FN1: variants seen among roughly 807,000 people sequenced by gnomAD.
The protein encoded by FN1 is fibronectin 1.
FN1 carries 106 observed loss-of-function variants against 297.3 expected under a neutral mutation model. The ratio of observed to expected loss-of-function variants is 0.36; its 90% confidence interval spans 0.30 to 0.42. FN1 has a LOEUF of 0.42. Among genes scored for constraint, FN1 ranks in the 10% least tolerant of loss-of-function variants. The pLI is 1.00. For synonymous variants in FN1, 1,149 were observed against 1,152.6 expected (o/e 1.00, Z 0.06); for missense variants, 2,690 against 3,124.9 (o/e 0.86, Z 3.32).
Position 215,431,910 on chromosome 2 carries a change from G to T in FN1, c.470C>A (p.Pro157Gln). Reference protein sequence around the residue: ...SYKIGDTWRRPHETGGYMLEC... With the variant: ...SYKIGDTWRRQHETGGYMLEC... The stretch of plus-strand genomic sequence containing the variant: ...TAACATGTAACCACCAGTCTCATGT[G>T]GTCTCCTCCAGGTGTCACCAATCTT... Residue 157 changes from proline to glutamine, a missense_variant, in exon 4 of 46, where the codon CCA becomes CAA. Coordinates refer to ENST00000354785, the MANE Select transcript of FN1 (RefSeq NM_212482.4). 6.2e-7 allele frequency: 1 copy of T among 1,613,776 alleles called. No homozygotes were observed. The highest frequency in any genetic ancestry group is 8.5e-7 in the Non-Finnish European group (1 of 1,179,786).
At chr2:215,366,065 G>A (rs1488072478) in intron 42 of FN1, among the ~76,000 whole-genome samples, 12 of 145,326 alleles carry the variant, frequency 8.3e-5, no homozygotes, top group East Asian at 8.1e-4. Flanking sequence ...TGATCCACCC[G>A]CCTCAGCCTC....
In FN1 at chr2:215,393,029, G is replaced by T. The variant is rs777406895; in HGVS notation, c.3971C>A (p.Thr1324Lys). The change falls in exon 25 of 46, where the codon ACA (threonine) becomes AAA (lysine). Residue 1324 changes from threonine (T) to lysine (K), a missense_variant. Transcript: ENST00000354785. ...DFVDSSVGYY[T>K]VTGLEPGIDY... is the part of the protein sequence containing the mutation. ...AATGCCCGGCTCCAGCCCTGTGACT[G>T]TGTAGTATCCTACTGAGGAGTCCAC... is the stretch of plus-strand genomic sequence containing the variant. 1 of 1,613,936 alleles carries T rather than the reference G, an allele frequency of 6.2e-7. No individual in the cohort carries two copies. Among genetic ancestry groups the T allele is most frequent in the Admixed American group, 1.7e-5 (1 of 60,000 alleles).
At chr2:215,368,499 A>G (rs2055137626) in intron 41 of FN1, among the ~76,000 whole-genome samples, 1 of 152,240 alleles carries the variant, frequency 6.6e-6, no homozygotes, top group South Asian at 2.1e-4. Flanking sequence ...AAGATTATAT[A>G]AGGCCATGAA....
rs891254454 is a variant in FN1, at chr2:215,435,577, A to C, written c.148+78T>G. ...ACACTCGCACACACGCGCGCGCACA[A>C]AACTTCAGCCCCAACTTTGGTCGGC... On this transcript the variant is annotated intron_variant, in intron 1 of 45. Transcript: ENST00000354785. 4 of 1,594,986 alleles carry C rather than the reference A, an allele frequency of 2.5e-6. No individual in the cohort carries two copies. The Admixed American group carries it at 5.1e-5, about 20-fold the overall frequency.
chr2:215,414,816 G>C, intron 13 of FN1, 21 bp downstream of exon 13: 2 of 1,613,692 alleles, frequency 1.2e-6, no homozygotes, highest in South Asian at 2.2e-5. Context: ...AGTATCCAAG[G>C]TTTCTGGGTG....
At chr2:215,420,068 A>G (rs992227444) in intron 11 of FN1, among the ~76,000 whole-genome samples, 17 of 152,192 alleles carry the variant, frequency 1.1e-4, no homozygotes, top group African/African-American at 1.9e-4. Context: ...AAAAAAACCT[A>G]GAGTGTTTTG....
chr2:215,406,531 G>T, intron 18 of FN1, 21 bp from the exon 19 acceptor site: 1 of 1,612,116 alleles, frequency 6.2e-7, no homozygotes, highest in South Asian at 1.1e-5. Context: ...AGAGTCAACT[G>T]GTCATTCACA....
chr2:215,423,749 A>G (rs1180135520), intron 8 of FN1, among the ~76,000 whole-genome samples: 1 of 150,734 alleles, frequency 6.6e-6, no homozygotes, highest in African/African-American at 2.4e-5. Context: ...TTTCCCCAGC[A>G]CCCCCCCCAC....
At chr2:215,381,391 G>T (rs1357136960) in intron 32 of FN1, 2 of 414,010 alleles carry the variant, frequency 4.8e-6, no homozygotes, top group Non-Finnish European at 9.0e-6. Flanking sequence ...ACAATGTGAT[G>T]TTAGTCTCAT....
intron 20 of FN1, among the ~76,000 whole-genome samples, chr2:215,401,555 T>A (rs1386970321): frequency 2.6e-5 from 4 of 152,150 alleles, no homozygotes; most frequent in Non-Finnish European, 5.9e-5. Flanking sequence ...TCTTTACATC[T>A]CAATCAAATT....
At position 215,368,052 on chromosome 2, in the gene FN1, A is replaced by C. The variant is rs1205242638; in HGVS notation, c.6854-25T>G. On this transcript the variant is annotated intron_variant, in intron 41 of 45. Transcript: ENST00000354785. ...ACTATGAAGAAAAGGAAGAAAAAGC[A>C]AAAAGAGACATCTTATTAATCGATT... 2.5e-6 allele frequency: 4 copies of C among 1,612,582 alleles called. No individual in the cohort carries two copies. The African/African-American group carries it at 5.3e-5, about 22-fold the overall frequency.
At chr2:215,397,545 C>T in intron 22 of FN1, 135 bp downstream of exon 22, 5 of 761,262 alleles carry the variant, frequency 6.6e-6, no homozygotes, top group Non-Finnish European at 9.2e-6. Context: ...TCAGGAATAG[C>T]ATTAATAATA....
At position 215,379,329 on chromosome 2, in the gene FN1, G is replaced by A; in HGVS notation, c.5435-12C>T. The stretch of plus-strand genomic sequence containing the variant: ...TGGTGCAGGAATAGCTGTCGAGATT[G>A]TCATTGGTTAGAGGTTATCTTATAG... On this transcript the variant is annotated splice_polypyrimidine_tract_variant and intron_variant, in intron 33 of 45. Transcript: ENST00000354785. 6.2e-7 allele frequency: 1 copy of A among 1,612,948 alleles called. No individual in the cohort carries two copies.
intron 1 of FN1, among the ~76,000 whole-genome samples, chr2:215,435,446 C>T (rs1360070286): frequency 6.6e-6 from 1 of 152,166 alleles, no homozygotes; most frequent in East Asian, 1.9e-4. Flanking sequence ...TCGCAGAGTC[C>T]TCGTCCTCCA....
rs775863568 is a variant in FN1, at chr2:215,388,229, C to T, written c.4325G>A (p.Arg1442Lys). Residue 1442 changes from arginine to lysine, a missense_variant, in exon 27 of 46, where the codon AGA (arginine) becomes AAA (lysine). Coordinates refer to ENST00000354785, the MANE Select transcript of FN1 (RefSeq NM_212482.4). Reference protein sequence around the residue: ...VYEQHESTPLRGRQKTGLDSP... With the variant: ...VYEQHESTPLKGRQKTGLDSP... ...CCACTCACCTGTTTTCTGTCTTCCT[C>T]TAAGAGGTGTGCTCTCATGTTGTTC... is the stretch of plus-strand genomic sequence containing the variant. 1 of 1,613,582 alleles carries T rather than the reference C, an allele frequency of 6.2e-7. No homozygotes were observed. Among genetic ancestry groups the T allele is most frequent in the African/African-American group, 1.3e-5 (1 of 74,916 alleles).
At chr2:215,423,581 T>G in intron 8 of FN1, 55 bp from the exon 9 acceptor site, 1 of 1,537,592 alleles carries the variant, frequency 6.5e-7, no homozygotes, top group African/African-American at 1.4e-5. Context: ...AGCTTTCCAA[T>G]GTACACAGAA....
chr2:215,408,267 A>T, intron 16 of FN1, 31 bp downstream of exon 16: 4 of 1,614,086 alleles, frequency 2.5e-6, no homozygotes, highest in Middle Eastern at 3.3e-4. Context: ...ACAGAAAAAG[A>T]TTCTTTTAAC....
intron 1 of FN1, 37 bp from the exon 2 acceptor site, chr2:215,434,861 TC>T: frequency 6.2e-7 from 1 of 1,606,204 alleles, no homozygotes; most frequent in Non-Finnish European, 8.5e-7. Context: ...CATTTGCATT[TC>T]TCCTTTTCCC....
At chr2:215,361,749 G>C in intron 45 of FN1, 123 bp from the exon 46 acceptor site, 1 of 1,018,216 alleles carries the variant, frequency 9.8e-7, no homozygotes, top group African/African-American at 1.6e-5. Flanking sequence ...TTTCTTCCTA[G>C]TTTCAAGAAC....
Sources: allele counts gnomAD v4.1 joint callset (sites outside exome capture counted in the v4.1 genomes callset), GRCh38; gene constraint gnomAD v4.1.1; transcripts MANE v1.5; gene names NCBI Gene and HGNC (gene_info 2026-07-23, HGNC 2026-07-21).